Variants in GSTCD observed in about 807,000 individuals in gnomAD.
GSTCD encodes the protein glutathione S-transferase C-terminal domain-containing protein.
Under a neutral mutation model 68.3 loss-of-function variants are expected in GSTCD, and 44 were observed. The ratio of observed to expected loss-of-function variants is 0.64; its 90% confidence interval spans 0.51 to 0.83. The LOEUF (loss-of-function observed/expected upper bound fraction) is 0.83. Among genes scored for constraint, GSTCD ranks in the 40% least tolerant of loss-of-function variants. The pLI is 0.00. For missense variants in GSTCD, 739 were observed against 735.9 expected (o/e 1.00, Z -0.05); for synonymous variants, 273 against 255.2 (o/e 1.07, Z -0.67).
chr4:105,773,750 T>C (rs1351012300), intron 5 of GSTCD, among the ~76,000 whole-genome samples: 2 of 152,222 alleles, frequency 1.3e-5, no homozygotes, highest in Admixed American at 1.3e-4. Flanking sequence ...TCTTTTGCAT[T>C]TGCTGTGGAG....
intron 5 of GSTCD, among the ~76,000 whole-genome samples, chr4:105,813,413 C>G (rs959125697): frequency 2.0e-5 from 3 of 152,134 alleles, no homozygotes; most frequent in Admixed American, 2.0e-4. Flanking sequence ...TTATTACAAA[C>G]TTTGTTTTGA....
chr4:105,758,974 A>G (rs1355607384), intron 5 of GSTCD, among the ~76,000 whole-genome samples: 2 of 152,206 alleles, frequency 1.3e-5, no homozygotes, highest in African/African-American at 4.8e-5. Flanking sequence ...GTCAATTTGA[A>G]TGAATTCTTT....
chr4:105,751,240 T>G (rs974762976), intron 5 of GSTCD, among the ~76,000 whole-genome samples: 4 of 152,096 alleles, frequency 2.6e-5, no homozygotes, highest in African/African-American at 9.7e-5. Flanking sequence ...TATTGCAACT[T>G]CCTGTGAGTC....
At chr4:105,832,834 A>T (rs559573665) in intron 8 of GSTCD, among the ~76,000 whole-genome samples, 1 of 152,314 alleles carries the variant, frequency 6.6e-6, no homozygotes, top group East Asian at 1.9e-4. Context: ...ATTTTCTCCA[A>T]CTAGTCATGA....
chr4:105,788,920 C>T (rs1266925662), intron 5 of GSTCD, among the ~76,000 whole-genome samples: 3 of 151,900 alleles, frequency 2.0e-5, no homozygotes, highest in Admixed American at 6.6e-5. Flanking sequence ...ATGTGAATTT[C>T]GGATCTCCCC....
intron 5 of GSTCD, among the ~76,000 whole-genome samples, chr4:105,748,768 G>A (rs1733900048): frequency 6.7e-6 from 1 of 150,112 alleles, no homozygotes; most frequent in Admixed American, 6.7e-5. Flanking sequence ...GTGATATATA[G>A]AGCAAAACAT....
intron 5 of GSTCD, among the ~76,000 whole-genome samples, chr4:105,740,807 A>G (rs1733607701): frequency 6.6e-6 from 1 of 151,980 alleles, no homozygotes; most frequent in Admixed American, 6.5e-5. Context: ...TTTTTGTCCT[A>G]CTGTTAAAGT....
At chr4:105,735,769 G>A (rs1175999441) in intron 5 of GSTCD, among the ~76,000 whole-genome samples, 4 of 152,078 alleles carry the variant, frequency 2.6e-5, no homozygotes, top group African/African-American at 7.2e-5. Flanking sequence ...TTTCTTCTGC[G>A]TCACTCATGC....
At chr4:105,837,383 C>T (rs1053636252) in intron 9 of GSTCD, among the ~76,000 whole-genome samples, 2 of 152,208 alleles carry the variant, frequency 1.3e-5, no homozygotes, top group African/African-American at 2.4e-5. Context: ...ACTCCCAAGC[C>T]TGCTTACCTC....
chr4:105,842,208 A>C (rs559007495), intron 11 of GSTCD, 74 bp downstream of exon 11: 2 of 1,199,726 alleles, frequency 1.7e-6, no homozygotes, highest in Non-Finnish European at 2.4e-6. Context: ...CCAAGTCTAT[A>C]TGGGAAAAAT....
At chr4:105,783,107 G>A (rs918252383) in intron 5 of GSTCD, among the ~76,000 whole-genome samples, 10 of 152,110 alleles carry the variant, frequency 6.6e-5, no homozygotes, top group Admixed American at 4.6e-4. Context: ...TCCTCCTAGA[G>A]GCATAAATTT....
Position 105,717,513 on chromosome 4 carries a change from G to C in GSTCD, c.-21-80G>C, listed in dbSNP as rs982525367. On this transcript the variant is annotated intron_variant, in intron 1 of 11. Transcript: ENST00000515279. ...AAATTTTTACTGATTTCTAGAACAG[G>C]CTTTTGAAACATTCATCTTTTATTT... 8.8e-6 allele frequency: 8 copies of C among 908,342 alleles called. No homozygotes were observed. The African/African-American group carries it at 1.4e-4, about 15-fold the overall frequency. The allele number at this position is 908,342 out of a possible 1,614,324, so 56.3% of individuals were successfully genotyped here.
chr4:105,736,380 T>TC, intron 5 of GSTCD, among the ~76,000 whole-genome samples: 1 of 152,046 alleles, frequency 6.6e-6, no homozygotes, highest in Non-Finnish European at 1.5e-5. Flanking sequence ...TATTTGCTTA[T>TC]ACCTACTAGG....
rs1421090561 is a variant in GSTCD, at chr4:105,846,668, C to CCTT, written c.*1091_*1092insCTT. ...GAAAAAGATTAAAGAATTAGTTAAGCTTTTTTTTTTTTTTTTTTTTGAGAC... is the reference window on the plus strand; with the variant it reads ...GAAAAAGATTAAAGAATTAGTTAAGCCTTTTTTTTTTTTTTTTTTTTTTGAGAC... On this transcript the variant is annotated 3_prime_UTR_variant, in exon 12 of 12. Transcript: ENST00000515279. The CCTT allele has an allele frequency of 8.5e-6, 1 of 117,972 alleles. No individual in the cohort carries two copies. The highest frequency in any genetic ancestry group is 1.8e-5 in the Non-Finnish European group (1 of 55,668). The allele number at this position is 117,972 out of a possible 1,614,324, so 7.3% of individuals were successfully genotyped here. A position where few individuals can be genotyped will look rare whatever the true frequency, so the allele number is the denominator to read the frequency against.
At chr4:105,771,180 A>G (rs1200160946) in intron 5 of GSTCD, among the ~76,000 whole-genome samples, 1 of 150,966 alleles carries the variant, frequency 6.6e-6, no homozygotes, top group Non-Finnish European at 1.5e-5. Context: ...TCTTTTGAGA[A>G]CTGTCCGTGC....
rs77465726 is a variant in GSTCD at position 105,821,408 on chromosome 4, T to C, written c.1241-1546T>C. 8.3e-3 allele frequency among the ~76,000 whole-genome samples: 1,269 copies of C among 152,000 alleles called. 20 individuals carry two copies. The highest frequency in any genetic ancestry group is 0.029 in the African/African-American group (1,196 of 41,544). On this transcript the variant is annotated intron_variant, in intron 5 of 11. Coordinates refer to ENST00000515279, the MANE Select transcript of GSTCD (RefSeq NM_001370181.1). ...TACCCATGAAGGGTGGGATTACAGCTTTTACTTCTTCTGTGTTTAAATATT... is the reference window on the plus strand; with the variant it reads ...TACCCATGAAGGGTGGGATTACAGCCTTTACTTCTTCTGTGTTTAAATATT...
intron 3 of GSTCD, among the ~76,000 whole-genome samples, chr4:105,720,530 A>G (rs1256094369): frequency 1.3e-5 from 2 of 152,182 alleles, no homozygotes; most frequent in African/African-American, 4.8e-5. Context: ...CATTTTCTTA[A>G]AGAACATTTC....
chr4:105,711,404 G>T lies in GSTCD; in HGVS notation c.-22+2388G>T, dbSNP rs530249728. ...GGCTTTCAGCCTCAGTAACAAATAT[G>T]TTTTTTTTCAGTATTTGGTTGGGAA... On this transcript the variant is annotated intron_variant, in intron 1 of 11. Transcript: ENST00000515279. Among the ~76,000 whole-genome samples, 156 of 151,916 alleles carry T rather than the reference G, an allele frequency of 1.0e-3. 3 individuals carry two copies. The South Asian group carries it at 0.032, about 31-fold the overall frequency.
chr4:105,817,841 TA>T (rs904950168), intron 5 of GSTCD, among the ~76,000 whole-genome samples: 3 of 151,884 alleles, frequency 2.0e-5, no homozygotes, highest in Non-Finnish European at 3.0e-5. Context: ...TATCCCTACT[TA>T]AAATACTGTT....
Sources: allele counts gnomAD v4.1 joint callset (sites outside exome capture counted in the v4.1 genomes callset), GRCh38; gene constraint gnomAD v4.1.1; transcripts MANE v1.5; gene names NCBI Gene and HGNC (gene_info 2026-07-23, HGNC 2026-07-21).